The following COBLL1 variants were observed in gnomAD, a reference collection of about 807,000 sequenced individuals.
COBLL1 encodes the protein cordon-bleu WH2 repeat protein like 1.
A neutral mutation model predicts 94.8 loss-of-function variants in COBLL1; 50 were observed. The observed-to-expected ratio is 0.53, with a 90% CI of 0.42 to 0.67. COBLL1 has a LOEUF of 0.67. Ranked by LOEUF, COBLL1 falls within the 30% of genes least tolerant of loss-of-function variation. The pLI is 0.00. For synonymous variants in COBLL1, 448 were observed against 473.8 expected (o/e 0.95, Z 0.71); for missense variants, 1,362 against 1,348.7 (o/e 1.01, Z -0.15).
rs1327743285 is a variant in COBLL1 at position 164,681,099 on chromosome 2, A to C, written c.*4847T>G. The C allele has an allele frequency of 6.6e-6, 1 of 152,210 alleles. No homozygotes were observed. The highest frequency in any genetic ancestry group is 1.5e-5 in the Non-Finnish European group (1 of 68,038). The allele number at this position is 152,210 out of a possible 1,614,324, so 9.4% of individuals were successfully genotyped here. A position where few individuals can be genotyped will look rare whatever the true frequency, so the allele number is the denominator to read the frequency against. The stretch of plus-strand genomic sequence containing the variant: ...GTTGTGGAACTGAACAGACTGAATC[A>C]ATTTATGATTAGGGTTAGAGTCATA... On this transcript the variant is annotated 3_prime_UTR_variant, in exon 14 of 14. Transcript: ENST00000652658.
At chr2:164,806,125 G>A (rs1260491661) in intron 2 of COBLL1, among the ~76,000 whole-genome samples, 1 of 150,788 alleles carries the variant, frequency 6.6e-6, no homozygotes, top group East Asian at 1.9e-4. Flanking sequence ...TAGGGGTCTT[G>A]TTTACAAAAA....
chr2:164,667,488 G>A (rs1163950468), intron 1 of COBLL1, among the ~76,000 whole-genome samples: 2 of 152,198 alleles, frequency 1.3e-5, no homozygotes, highest in Non-Finnish European at 2.9e-5. Flanking sequence ...TCCAAGAGAA[G>A]GCTGTTTTGT....
chr2:164,799,731 G>C (rs541824214), intron 2 of COBLL1, among the ~76,000 whole-genome samples: 1 of 152,190 alleles, frequency 6.6e-6, no homozygotes, highest in South Asian at 2.1e-4. Flanking sequence ...AAAACAATGT[G>C]GTATTGACAA....
intron 13 of COBLL1, among the ~76,000 whole-genome samples, chr2:164,686,969 T>C (rs781546449): frequency 7.2e-5 from 11 of 152,358 alleles, no homozygotes; most frequent in Non-Finnish European, 1.5e-4. Flanking sequence ...TAGTTTGGAC[T>C]TGGCTTCCTT....
chr2:164,832,341 T>C (rs1683116545), intron 2 of COBLL1, among the ~76,000 whole-genome samples: 1 of 152,224 alleles, frequency 6.6e-6, no homozygotes, highest in African/African-American at 2.4e-5. Context: ...CCAGAATACC[T>C]ACCAATTACT....
At chr2:164,781,503 A>T (rs1024954796) in intron 2 of COBLL1, among the ~76,000 whole-genome samples, 4 of 152,222 alleles carry the variant, frequency 2.6e-5, no homozygotes, top group African/African-American at 9.6e-5. Flanking sequence ...GACACTTTGT[A>T]AAGTGCTGCT....
chr2:164,754,925 GC>G (rs753310046), intron 2 of COBLL1, among the ~76,000 whole-genome samples: 2 of 152,144 alleles, frequency 1.3e-5, no homozygotes, highest in Non-Finnish European at 2.9e-5. Context: ...TGTAATCTCA[GC>G]ATTTTCGGAG....
chr2:164,767,638 C>T (rs1022312599), intron 2 of COBLL1, among the ~76,000 whole-genome samples: 6 of 152,258 alleles, frequency 3.9e-5, no homozygotes, highest in East Asian at 1.9e-4. Context: ...CATTTCAACA[C>T]ATCTGCAAAA....
At chr2:164,671,204 A>G (rs1266954541) in intron 1 of COBLL1, among the ~76,000 whole-genome samples, 2 of 152,220 alleles carry the variant, frequency 1.3e-5, no homozygotes, top group Non-Finnish European at 2.9e-5. Flanking sequence ...ACCATTATAT[A>G]TGAGAAAGTA....
intron 2 of COBLL1, among the ~76,000 whole-genome samples, chr2:164,750,351 A>G (rs546335681): frequency 3.9e-5 from 6 of 152,258 alleles, no homozygotes; most frequent in African/African-American, 1.4e-4. Flanking sequence ...CAGTTAACTC[A>G]AGCAAAAAAA....
chr2:164,787,870 T>C (rs1026477521), intron 2 of COBLL1, among the ~76,000 whole-genome samples: 6 of 152,238 alleles, frequency 3.9e-5, no homozygotes, highest in Non-Finnish European at 8.8e-5. Context: ...CCATTGTTGA[T>C]TTCATAGTGC....
rs2105402877 is a variant in COBLL1, at chr2:164,684,618, G to C, written c.*1328C>G. The C allele has an allele frequency of 1.3e-5, 2 of 152,120 alleles. No individual in the cohort carries two copies. Among genetic ancestry groups the C allele is most frequent in the South Asian group, 4.1e-4 (2 of 4,826 alleles). 9.4% of individuals were successfully genotyped at this position (152,120 alleles called of 1,614,324 possible). A position where few individuals can be genotyped will look rare whatever the true frequency, so the allele number is the denominator to read the frequency against. On this transcript the variant is annotated 3_prime_UTR_variant, in exon 14 of 14. Transcript: ENST00000652658. ...ATGCATTTTGGAGTCAGAATGCCAG[G>C]GCTTAAATGTACACTAGGGATCCCT...
intron 7 of COBLL1, among the ~76,000 whole-genome samples, chr2:164,710,102 C>T (rs939453771): frequency 6.6e-6 from 1 of 151,912 alleles, no homozygotes; most frequent in Admixed American, 6.6e-5. Context: ...AAAATAATTT[C>T]AATTATTTAA....
At chr2:164,793,318 C>CA (rs201808950) in intron 2 of COBLL1, among the ~76,000 whole-genome samples, 1,114 of 111,076 alleles carry the variant, frequency 0.01, 11 homozygotes, top group East Asian at 0.066. Flanking sequence ...CAAAACAAAG[C>CA]AAAAAAAAAA....
chr2:164,736,026 GATAAT>G (rs1686286629), intron 3 of COBLL1, among the ~76,000 whole-genome samples: 1 of 152,192 alleles, frequency 6.6e-6, no homozygotes, highest in African/African-American at 2.4e-5. Flanking sequence ...TCTCTTGTAA[GATAAT>G]ATAATAATTT....
At chr2:164,809,307 AT>A (rs1344105465) in intron 2 of COBLL1, among the ~76,000 whole-genome samples, 1 of 152,068 alleles carries the variant, frequency 6.6e-6, no homozygotes, top group Non-Finnish European at 1.5e-5. Context: ...TACAAAGGAA[AT>A]AAATATTCAT....
chr2:164,658,213 T>C (rs1476533194), intron 2 of COBLL1, among the ~76,000 whole-genome samples: 1 of 152,136 alleles, frequency 6.6e-6, no homozygotes, highest in African/African-American at 2.4e-5. Context: ...GGATTCTTAG[T>C]CGGCCTAGGA....
At chr2:164,827,627 G>A (rs1408801152) in intron 2 of COBLL1, among the ~76,000 whole-genome samples, 1 of 152,162 alleles carries the variant, frequency 6.6e-6, no homozygotes, top group Non-Finnish European at 1.5e-5. Flanking sequence ...TCTACCAAGT[G>A]AAGTCTGGAA....
chr2:164,790,142 T>TA (rs1162176827), intron 2 of COBLL1, among the ~76,000 whole-genome samples: 1 of 152,208 alleles, frequency 6.6e-6, no homozygotes, highest in Non-Finnish European at 1.5e-5. Flanking sequence ...AGTTTGCACT[T>TA]ACGCCTCATG....
Sources: gnomAD v4.1 joint callset for allele counts (sites outside exome capture counted in the v4.1 genomes callset) on GRCh38, gnomAD v4.1.1 for gene constraint, MANE v1.5 for transcripts, NCBI Gene and HGNC (gene_info 2026-07-23, HGNC 2026-07-21) for gene names.